MEF2A: variants seen among roughly 807,000 people sequenced by gnomAD.
MEF2A encodes the protein myocyte enhancer factor 2A, also known as myocyte-specific enhancer factor 2A.
In MEF2A, 28 loss-of-function variants were observed where a neutral mutation model predicts 55.8. The ratio of observed to expected loss-of-function variants is 0.50; its 90% CI spans 0.37 to 0.69. MEF2A has a LOEUF of 0.69. Among genes scored for constraint, MEF2A ranks in the 30% least tolerant of loss-of-function variants. MEF2A has a pLI of 0.00. For synonymous variants in MEF2A, 239 were observed against 227.1 expected (o/e 1.05, Z -0.47); for missense variants, 528 against 626.2 (o/e 0.84, Z 1.67).
Position 99,716,351 on chromosome 15 carries a change from G to T in MEF2A, c.*3580G>T. The stretch of plus-strand genomic sequence containing the variant: ...AATAAGTTAATCTCAATTTTTCCCT[G>T]AATGTGTTGTTTTTCTTCATTATAC... On this transcript the variant is annotated 3_prime_UTR_variant, in exon 12 of 12. Transcript: ENST00000557942. 2.8e-6 allele frequency: 1 copy of T among 352,816 alleles called. No homozygotes were observed. Among genetic ancestry groups the T allele is most frequent in the South Asian group, 2.2e-5 (1 of 46,324 alleles). 21.9% of individuals were successfully genotyped at this position (352,816 alleles called of 1,614,324 possible).
intron 2 of MEF2A, among the ~76,000 whole-genome samples, chr15:99,619,488 A>G (rs1383755849): frequency 1.3e-5 from 2 of 152,198 alleles, no homozygotes; most frequent in Non-Finnish European, 2.9e-5. Context: ...CCTGTCTTAT[A>G]AAGAGGTTGT....
At chr15:99,575,423 C>T (rs891646917) in intron 1 of MEF2A, among the ~76,000 whole-genome samples, 1 of 152,098 alleles carries the variant, frequency 6.6e-6, no homozygotes, top group Admixed American at 6.6e-5. Context: ...TGTCCAGGTG[C>T]TTCTTTGTAA....
At chr15:99,601,963 G>A (rs1177434582) in intron 2 of MEF2A, among the ~76,000 whole-genome samples, 2 of 151,996 alleles carry the variant, frequency 1.3e-5, no homozygotes, top group African/African-American at 4.8e-5. Flanking sequence ...ATTCACCAAT[G>A]AAGACCTCTG....
At chr15:99,698,600 C>G (rs2056871525) in intron 8 of MEF2A, among the ~76,000 whole-genome samples, 1 of 152,024 alleles carries the variant, frequency 6.6e-6, no homozygotes, top group African/African-American at 2.4e-5. Context: ...CGAGACCAGC[C>G]TGATCAACAT....
At chr15:99,652,176 G>A (rs1415899786) in intron 4 of MEF2A, among the ~76,000 whole-genome samples, 1 of 152,162 alleles carries the variant, frequency 6.6e-6, no homozygotes, top group Non-Finnish European at 1.5e-5. Context: ...CAACCTTGTT[G>A]GCACCAGGGA....
intron 8 of MEF2A, among the ~76,000 whole-genome samples, chr15:99,698,655 G>T (rs534187466): frequency 6.6e-6 from 1 of 152,146 alleles, no homozygotes; most frequent in Non-Finnish European, 1.5e-5. Flanking sequence ...AGCCAGGGGT[G>T]GTGGCGCATG....
At chr15:99,604,390 T>C (rs1209859731) in intron 2 of MEF2A, among the ~76,000 whole-genome samples, 1 of 152,192 alleles carries the variant, frequency 6.6e-6, no homozygotes, top group Non-Finnish European at 1.5e-5. Flanking sequence ...TGCCTTCAAG[T>C]TCACTGATCT....
At chr15:99,601,297 A>C (rs1423190515) in intron 2 of MEF2A, among the ~76,000 whole-genome samples, 2 of 152,148 alleles carry the variant, frequency 1.3e-5, no homozygotes, top group Non-Finnish European at 2.9e-5. Context: ...GATTTCTTCA[A>C]ATCATCTGTG....
At chr15:99,680,425 A>G (rs997187578) in intron 7 of MEF2A, among the ~76,000 whole-genome samples, 18 of 152,210 alleles carry the variant, frequency 1.2e-4, no homozygotes, top group Non-Finnish European at 2.6e-4. Context: ...TAATGAAGGC[A>G]TGGTGAAACT....
At chr15:99,568,433 C>G (rs1475838169) in intron 1 of MEF2A, among the ~76,000 whole-genome samples, 1 of 152,030 alleles carries the variant, frequency 6.6e-6, no homozygotes, top group Non-Finnish European at 1.5e-5. Context: ...TTTGCCTTTT[C>G]CATCATGCAT....
At chr15:99,673,106 T>G (rs1419153277) in intron 5 of MEF2A, among the ~76,000 whole-genome samples, 1 of 152,198 alleles carries the variant, frequency 6.6e-6, no homozygotes, top group East Asian at 1.9e-4. Flanking sequence ...CTGTGTATTG[T>G]ATGCCTGCAT....
At chr15:99,656,200 G>A (rs918874225) in intron 4 of MEF2A, among the ~76,000 whole-genome samples, 1 of 152,010 alleles carries the variant, frequency 6.6e-6, no homozygotes, top group Non-Finnish European at 1.5e-5. Context: ...TGTGTAGGAG[G>A]TGATTCTTTT....
chr15:99,703,215 A>C (rs1004367432), intron 8 of MEF2A, 147 bp from the exon 9 acceptor site: 7 of 640,370 alleles, frequency 1.1e-5, no homozygotes, highest in Non-Finnish European at 1.9e-5. Context: ...CAAGTAATTT[A>C]TATTTCTATC....
intron 4 of MEF2A, among the ~76,000 whole-genome samples, chr15:99,667,458 C>T (rs1596998226): frequency 1.3e-5 from 2 of 152,064 alleles, no homozygotes; most frequent in African/African-American, 4.8e-5. Flanking sequence ...CTCCTGACCT[C>T]GTGATCCGCC....
chr15:99,644,413 T>C (rs1428978054), intron 3 of MEF2A, among the ~76,000 whole-genome samples: 2 of 152,234 alleles, frequency 1.3e-5, no homozygotes, highest in Non-Finnish European at 2.9e-5. Flanking sequence ...GTTGTTTTGC[T>C]TTTACATGTA....
At chr15:99,652,541 A>T (rs968958571) in intron 4 of MEF2A, among the ~76,000 whole-genome samples, 1 of 152,200 alleles carries the variant, frequency 6.6e-6, no homozygotes, top group Non-Finnish European at 1.5e-5. Context: ...AAATTAGGAA[A>T]TGAGACACTG....
intron 3 of MEF2A, among the ~76,000 whole-genome samples, chr15:99,638,056 A>G (rs1331072871): frequency 6.6e-6 from 1 of 152,158 alleles, no homozygotes; most frequent in Non-Finnish European, 1.5e-5. Context: ...CTTATTGGAC[A>G]TTTGTATATC....
intron 1 of MEF2A, among the ~76,000 whole-genome samples, chr15:99,597,075 A>G (rs1971434777): frequency 6.6e-6 from 1 of 152,186 alleles, no homozygotes; most frequent in South Asian, 2.1e-4. Flanking sequence ...AGCAGTATGA[A>G]ATGTGGGCAC....
chr15:99,671,077 A>C (rs2050776007), intron 4 of MEF2A, among the ~76,000 whole-genome samples: 2 of 152,356 alleles, frequency 1.3e-5, no homozygotes, highest in Admixed American at 6.5e-5. Flanking sequence ...TATTTTGAGA[A>C]GTTTAGAAAG....
Sources: gnomAD v4.1 joint callset for allele counts (sites outside exome capture counted in the v4.1 genomes callset) on GRCh38, gnomAD v4.1.1 for gene constraint, MANE v1.5 for transcripts, NCBI Gene and HGNC (gene_info 2026-07-23, HGNC 2026-07-21) for gene names.